Variants in TMEM132C observed in about 807,000 individuals in gnomAD.
The protein encoded by TMEM132C is transmembrane protein 132C.
A neutral mutation model predicts 61.4 loss-of-function variants in TMEM132C; 29 were observed. The ratio of observed to expected loss-of-function variants is 0.47; its 90% CI spans 0.35 to 0.64. The LOEUF is 0.64. Among genes scored for constraint, TMEM132C ranks in the 30% least tolerant of loss-of-function variants. TMEM132C has a pLI of 0.00. For synonymous variants in TMEM132C, 656 were observed against 633.1 expected (o/e 1.04, Z -0.54); for missense variants, 1,408 against 1,476.9 (o/e 0.95, Z 0.76).
intron 4 of TMEM132C, among the ~76,000 whole-genome samples, chr12:128,638,974 GTGA>G (rs1565999043): frequency 1.0e-4 from 14 of 136,656 alleles, no homozygotes; most frequent in South Asian, 4.9e-4. Flanking sequence ...GGTGGTGATG[GTGA>G]TGATGGTGGT....
chr12:128,543,947 A>T lies in TMEM132C; in HGVS notation c.975-10A>T. Reference sequence around the variant, plus strand: ...CTGTCTCTCTCTCTCTCCCATCTTCATCCCCACAGAGCCAAGGTGAAGAAG... The same window carrying T: ...CTGTCTCTCTCTCTCTCCCATCTTCTTCCCCACAGAGCCAAGGTGAAGAAG... On this transcript the variant is annotated splice_polypyrimidine_tract_variant and intron_variant, in intron 2 of 8. Coordinates refer to ENST00000435159, the MANE Select transcript of TMEM132C (RefSeq NM_001136103.3). The T allele has an allele frequency of 6.5e-7, 1 of 1,542,758 alleles. No homozygotes were observed. Among genetic ancestry groups the T allele is most frequent in the Non-Finnish European group, 8.7e-7 (1 of 1,143,210 alleles).
In TMEM132C at chr12:128,327,348, C is replaced by T. The variant is rs984310602; in HGVS notation, c.85+59861C>T. 1.7e-4 allele frequency among the ~76,000 whole-genome samples: 25 copies of T among 147,180 alleles called. 2 individuals carry two copies. The highest frequency in any genetic ancestry group is 2.1e-4 in the Non-Finnish European group (14 of 67,976). ...CCTGAGAACGTGTGCCCCAGGTGCCCGGGGCGCAGCTTGGTTTGTTTGTTT... is the reference window on the plus strand; with the variant it reads ...CCTGAGAACGTGTGCCCCAGGTGCCTGGGGCGCAGCTTGGTTTGTTTGTTT... On this transcript the variant is annotated intron_variant, in intron 1 of 8. Coordinates refer to ENST00000435159, the MANE Select transcript of TMEM132C (RefSeq NM_001136103.3).
intron 1 of TMEM132C, among the ~76,000 whole-genome samples, chr12:128,311,219 T>C (rs1004236849): frequency 2.6e-4 from 40 of 152,184 alleles, no homozygotes; most frequent in Admixed American, 1.9e-3. Flanking sequence ...TCACTGACAG[T>C]CTCCAACACT....
intron 1 of TMEM132C, among the ~76,000 whole-genome samples, chr12:128,310,013 G>C (rs1871916549): frequency 6.6e-6 from 1 of 152,212 alleles, no homozygotes. Context: ...TGGGATTACA[G>C]GTGTGAGCCA....
chr12:128,443,567 C>T (rs1869870611), intron 2 of TMEM132C, among the ~76,000 whole-genome samples: 1 of 152,150 alleles, frequency 6.6e-6, no homozygotes, highest in Admixed American at 6.5e-5. Context: ...AATGCCTGAA[C>T]CTTGCCCTAA....
At chr12:128,383,561 C>T (rs1294772873) in intron 1 of TMEM132C, among the ~76,000 whole-genome samples, 1 of 152,088 alleles carries the variant, frequency 6.6e-6, no homozygotes, top group East Asian at 1.9e-4. Context: ...GACACAAAGC[C>T]CCCCTGTTGT....
intron 1 of TMEM132C, among the ~76,000 whole-genome samples, chr12:128,378,494 C>T (rs570030709): frequency 1.3e-5 from 2 of 152,178 alleles, no homozygotes; most frequent in Non-Finnish European, 2.9e-5. Flanking sequence ...TCAAAATTTC[C>T]TAGAGCAAAT....
chr12:128,411,676 A>G (rs1175703459), intron 1 of TMEM132C, among the ~76,000 whole-genome samples: 1 of 152,178 alleles, frequency 6.6e-6, no homozygotes, highest in East Asian at 1.9e-4. Flanking sequence ...TTAGAAACCA[A>G]TATCTGGGTA....
At chr12:128,350,796 GC>G (rs1201494111) in intron 1 of TMEM132C, among the ~76,000 whole-genome samples, 6 of 151,770 alleles carry the variant, frequency 4.0e-5, no homozygotes, top group Non-Finnish European at 8.8e-5. Flanking sequence ...AGCCTCCTTT[GC>G]AACTAGGCTT....
chr12:128,562,034 C>T (rs1246076134), intron 3 of TMEM132C, among the ~76,000 whole-genome samples: 1 of 152,134 alleles, frequency 6.6e-6, no homozygotes. Flanking sequence ...GTTAGACTAT[C>T]CCAATAACCC....
intron 1 of TMEM132C, among the ~76,000 whole-genome samples, chr12:128,337,486 C>T (rs1872820281): frequency 6.6e-6 from 1 of 152,098 alleles, no homozygotes; most frequent in Admixed American, 6.6e-5. Flanking sequence ...TTTCTGATTT[C>T]GCAGGTTGGA....
At chr12:128,287,331 T>A (rs756865255) in intron 1 of TMEM132C, among the ~76,000 whole-genome samples, 1 of 152,212 alleles carries the variant, frequency 6.6e-6, no homozygotes, top group Non-Finnish European at 1.5e-5. Context: ...TAGGAAATAA[T>A]TTTAGGCTTT....
At chr12:128,366,776 A>G (rs1016204705) in intron 1 of TMEM132C, among the ~76,000 whole-genome samples, 1 of 152,206 alleles carries the variant, frequency 6.6e-6, no homozygotes, top group Non-Finnish European at 1.5e-5. Flanking sequence ...TTACTTAATT[A>G]ATATGCATGT....
intron 1 of TMEM132C, among the ~76,000 whole-genome samples, chr12:128,381,454 C>T (rs930434278): frequency 4.3e-4 from 65 of 152,316 alleles, no homozygotes; most frequent in Admixed American, 1.8e-3. Flanking sequence ...CAGGGAGAAG[C>T]GGCTTTCTAG....
chr12:128,488,082 C>T (rs988165436), intron 2 of TMEM132C, among the ~76,000 whole-genome samples: 3 of 152,168 alleles, frequency 2.0e-5, no homozygotes, highest in Non-Finnish European at 4.4e-5. Flanking sequence ...TTGCCAGTTC[C>T]CACGGTGTAA....
At chr12:128,522,362 C>G (rs1872934181) in intron 2 of TMEM132C, among the ~76,000 whole-genome samples, 1 of 152,216 alleles carries the variant, frequency 6.6e-6, no homozygotes, top group Non-Finnish European at 1.5e-5. Flanking sequence ...TCAGGCACAG[C>G]CTCCTCCATC....
chr12:128,578,958 G>T (rs1327948459), intron 3 of TMEM132C, among the ~76,000 whole-genome samples: 1 of 152,128 alleles, frequency 6.6e-6, no homozygotes, highest in African/African-American at 2.4e-5. Flanking sequence ...GTAAAAACAT[G>T]ACTCCAAATA....
At chr12:128,549,337 C>G (rs1874073558) in intron 3 of TMEM132C, among the ~76,000 whole-genome samples, 1 of 152,070 alleles carries the variant, frequency 6.6e-6, no homozygotes, top group African/African-American at 2.4e-5. Context: ...GTGAGGAAGT[C>G]CTCACCACCC....
chr12:128,372,330 G>A (rs1874051800), intron 1 of TMEM132C, among the ~76,000 whole-genome samples: 1 of 152,148 alleles, frequency 6.6e-6, no homozygotes, highest in African/African-American at 2.4e-5. Context: ...TTTCAGTGAG[G>A]TTTTCTGCCT....
Sources: gnomAD v4.1 joint callset for allele counts (sites outside exome capture counted in the v4.1 genomes callset) on GRCh38, gnomAD v4.1.1 for gene constraint, MANE v1.5 for transcripts, NCBI Gene and HGNC (gene_info 2026-07-23, HGNC 2026-07-21) for gene names.